Variants in FAM184B observed in about 807,000 individuals in gnomAD.
FAM184B encodes protein FAM184B.
Under a neutral mutation model 135.9 loss-of-function variants are expected in FAM184B, and 111 were observed. That is an observed-to-expected ratio of 0.82 (90% confidence interval 0.70 to 0.96). FAM184B has a LOEUF of 0.96. Among genes scored for constraint, FAM184B ranks in the 40% least tolerant of loss-of-function variants. The probability of loss-of-function intolerance (pLI) is 0.00; values close to 1 mark genes in which losing one functional copy is unlikely to be tolerated. For missense variants in FAM184B, 1,375 were observed against 1,323.9 expected (o/e 1.04, Z -0.60); for synonymous variants, 552 against 524.8 (o/e 1.05, Z -0.71).
rs71167316 is a variant in FAM184B at position 17,641,461 on chromosome 4, CTTTTTTTTTTTTTTTTTTT to C, written c.2519+576_2519+594del. ...TGCAGGGAAACAAACAGGACTCCCT[CTTTTTTTTTTTTTTTTTTT>C]TTTTTTTTTTTTTTTTGAGACGGAG... On this transcript the variant is annotated intron_variant, in intron 13 of 17. Transcript: ENST00000265018. Among the ~76,000 whole-genome samples the C allele has an allele frequency of 1.8e-4, 8 of 45,648 alleles. 1 individual carries two copies. The East Asian group carries it at 2.5e-3, about 14-fold the overall frequency. The allele number at this position is 45,648 out of a possible 152,430, so 29.9% of individuals were successfully genotyped here. A position where few individuals can be genotyped will look rare whatever the true frequency, so the allele number is the denominator to read the frequency against.
intron 1 of FAM184B, among the ~76,000 whole-genome samples, chr4:17,749,633 G>A (rs1718249639): frequency 6.6e-6 from 1 of 151,958 alleles, no homozygotes; most frequent in Admixed American, 6.6e-5. Flanking sequence ...ATCATAATAT[G>A]GTGGTTGCAT....
At chr4:17,735,821 T>G (rs1717895529) in intron 1 of FAM184B, among the ~76,000 whole-genome samples, 1 of 152,176 alleles carries the variant, frequency 6.6e-6, no homozygotes, top group African/African-American at 2.4e-5. Flanking sequence ...GCAGCAGGTC[T>G]CTTTAGGACA....
Position 17,705,820 on chromosome 4 carries a change from G to C in FAM184B, c.1102C>G (p.Leu368Val), listed in dbSNP as rs1717101223. Residue 368 changes from leucine (L) to valine (V), a missense_variant, in exon 4 of 18, where the codon CTT becomes GTT. Transcript: ENST00000265018. ...REENDLEAGN[L>V]HPQQDQSCLK... ...CAGCTTTGATCCTGCTGAGGATGAAGATTGCCGGCTTCCAAGTCATTCTCT... is the reference window on the plus strand; with the variant it reads ...CAGCTTTGATCCTGCTGAGGATGAACATTGCCGGCTTCCAAGTCATTCTCT... The C allele has an allele frequency of 1.3e-6, 2 of 1,552,090 alleles. No individual in the cohort carries two copies. Among genetic ancestry groups the C allele is most frequent in the Non-Finnish European group, 8.7e-7 (1 of 1,147,072 alleles).
At chr4:17,689,438 G>A (rs1347895760) in intron 6 of FAM184B, among the ~76,000 whole-genome samples, 1 of 152,090 alleles carries the variant, frequency 6.6e-6, no homozygotes, top group Non-Finnish European at 1.5e-5. Context: ...TACAAGGAGG[G>A]ATGGGGAAGG....
intron 5 of FAM184B, 138 bp from the exon 6 acceptor site, chr4:17,693,550 T>C (rs1716785688): frequency 4.5e-6 from 3 of 671,830 alleles, no homozygotes; most frequent in South Asian, 1.9e-5. Flanking sequence ...AAATTAGACA[T>C]ACACGAGAAG....
chr4:17,717,925 A>G (rs1717432236), intron 1 of FAM184B, among the ~76,000 whole-genome samples: 1 of 152,224 alleles, frequency 6.6e-6, no homozygotes, highest in Non-Finnish European at 1.5e-5. Flanking sequence ...GCAACAAGTA[A>G]TGGGGAAAGC....
At chr4:17,665,783 C>T (rs1233558471) in intron 7 of FAM184B, among the ~76,000 whole-genome samples, 1 of 152,170 alleles carries the variant, frequency 6.6e-6, no homozygotes, top group Non-Finnish European at 1.5e-5. Context: ...CTCCACATTG[C>T]CAAATCCAAT....
chr4:17,701,366 A>C (rs537415377), intron 5 of FAM184B, among the ~76,000 whole-genome samples: 1 of 152,350 alleles, frequency 6.6e-6, no homozygotes, highest in Non-Finnish European at 1.5e-5. Context: ...TTCATATCCA[A>C]CTTTAGTTGT....
chr4:17,719,894 T>A (rs1445721584), intron 1 of FAM184B, among the ~76,000 whole-genome samples: 1 of 152,230 alleles, frequency 6.6e-6, no homozygotes, highest in African/African-American at 2.4e-5. Context: ...AGTCTTCATC[T>A]GTTCAACTTT....
chr4:17,695,927 G>A (rs1481064600), intron 5 of FAM184B, among the ~76,000 whole-genome samples: 2 of 152,032 alleles, frequency 1.3e-5, no homozygotes, highest in African/African-American at 4.8e-5. Flanking sequence ...GAACATGAAG[G>A]AAAATATAAG....
chr4:17,666,068 T>G (rs1716041600), intron 7 of FAM184B, among the ~76,000 whole-genome samples: 1 of 152,152 alleles, frequency 6.6e-6, no homozygotes, highest in South Asian at 2.1e-4. Flanking sequence ...GATATTTGCA[T>G]TCTTTGCTCC....
At chr4:17,652,727 G>T in intron 11 of FAM184B, 103 bp downstream of exon 11, 1 of 1,354,908 alleles carries the variant, frequency 7.4e-7, no homozygotes, top group Non-Finnish European at 9.9e-7. Context: ...CGTGGCCTGT[G>T]AGCCCGAGAA....
At chr4:17,763,532 G>C (rs956072441) in intron 1 of FAM184B, among the ~76,000 whole-genome samples, 1 of 150,990 alleles carries the variant, frequency 6.6e-6, no homozygotes. Context: ...CAGGGGTCTA[G>C]GACAGGAATA....
chr4:17,647,609 T>A, intron 12 of FAM184B, 28 bp downstream of exon 12: 2 of 1,540,080 alleles, frequency 1.3e-6, no homozygotes, highest in Non-Finnish European at 1.8e-6. Context: ...GGGAGGGGTA[T>A]TGCTGGTGCA....
intron 1 of FAM184B, among the ~76,000 whole-genome samples, chr4:17,779,584 C>A (rs375099844): frequency 6.6e-6 from 1 of 152,208 alleles, no homozygotes; most frequent in Admixed American, 6.5e-5. Flanking sequence ...TTTGTCATAC[C>A]ACAAGGGCAA....
At chr4:17,652,155 T>C (rs6846156) in intron 11 of FAM184B, among the ~76,000 whole-genome samples, 96,522 of 137,332 alleles carry the variant, frequency 0.7, 35,001 homozygotes, top group East Asian at 0.92. Context: ...TTTTGAGTCT[T>C]GCACTGTCGC....
At chr4:17,770,764 C>T (rs372065325) in intron 1 of FAM184B, among the ~76,000 whole-genome samples, 2 of 152,152 alleles carry the variant, frequency 1.3e-5, no homozygotes, top group African/African-American at 4.8e-5. Flanking sequence ...CCGCGCCCGG[C>T]CAGAACTAGA....
At chr4:17,769,648 T>G (rs1718769512) in intron 1 of FAM184B, among the ~76,000 whole-genome samples, 1 of 152,146 alleles carries the variant, frequency 6.6e-6, no homozygotes, top group Non-Finnish European at 1.5e-5. Context: ...ATGCTAGACC[T>G]TTTGAGTTCA....
intron 12 of FAM184B, among the ~76,000 whole-genome samples, chr4:17,644,027 A>G (rs1227507432): frequency 6.6e-6 from 1 of 152,212 alleles, no homozygotes; most frequent in East Asian, 1.9e-4. Context: ...GTGCCAGGGA[A>G]GGCCCCCAGC....
Sources: allele counts gnomAD v4.1 joint callset (sites outside exome capture counted in the v4.1 genomes callset), GRCh38; gene constraint gnomAD v4.1.1; transcripts MANE v1.5; gene names NCBI Gene and HGNC (gene_info 2026-07-23, HGNC 2026-07-21).